Variants in PCSK6 observed in about 807,000 individuals in gnomAD.
PCSK6 encodes proprotein convertase subtilisin/kexin type 6.
Under a neutral mutation model 123.3 loss-of-function variants are expected in PCSK6, and 85 were observed. That is an observed-to-expected ratio of 0.69 (90% CI 0.58 to 0.83). The LOEUF is 0.83. Ranked by LOEUF, PCSK6 falls within the 40% of genes least tolerant of loss-of-function variation. The probability of loss-of-function intolerance (pLI) is 0.00; values close to 1 mark genes in which losing one functional copy is unlikely to be tolerated. For missense variants in PCSK6, 1,191 were observed against 1,282.3 expected (o/e 0.93, Z 1.09); for synonymous variants, 508 against 516.0 (o/e 0.98, Z 0.21).
chr15:101,328,355 A>G (rs1319420707), intron 15 of PCSK6, among the ~76,000 whole-genome samples: 1 of 152,182 alleles, frequency 6.6e-6, no homozygotes, highest in African/African-American at 2.4e-5. Context: ...CACTCTTTCT[A>G]GACACGGAAT....
chr15:101,423,488 C>T (rs772863460), intron 6 of PCSK6, among the ~76,000 whole-genome samples: 9 of 152,174 alleles, frequency 5.9e-5, no homozygotes, highest in East Asian at 1.9e-4. Context: ...TCTTGAACTC[C>T]TGATCTCAGG....
chr15:101,454,594 T>C (rs1178991152), intron 1 of PCSK6, among the ~76,000 whole-genome samples: 1 of 152,040 alleles, frequency 6.6e-6, no homozygotes, highest in Non-Finnish European at 1.5e-5. Context: ...AGACAGAATG[T>C]GGTTGCCAGG....
chr15:101,305,222 T>A lies in PCSK6; in HGVS notation c.*36A>T, dbSNP rs761646944. Reference sequence around the variant, plus strand: ...GGAGGAAGGTGGACGGATGGATGGATGGGAGTGCCTGCCCTCTGTGGGCAG... The same window carrying A: ...GGAGGAAGGTGGACGGATGGATGGAAGGGAGTGCCTGCCCTCTGTGGGCAG... On this transcript the variant is annotated 3_prime_UTR_variant, in exon 22 of 22. Coordinates refer to ENST00000611716, the MANE Select transcript of PCSK6 (RefSeq NM_002570.5). This position sits in a 1 kb window ranked among gnomAD's most constrained non-coding sequence, Gnocchi z 4.8. 1 of 1,523,360 alleles carries A rather than the reference T, an allele frequency of 6.6e-7. No individual in the cohort carries two copies. The highest frequency in any genetic ancestry group is 9.0e-7 in the Non-Finnish European group (1 of 1,109,426). The allele number at this position is 1,523,360 out of a possible 1,614,324, so 94.4% of individuals were successfully genotyped here.
rs1170074993 is a variant in PCSK6 at position 101,443,408 on chromosome 15, T to A, written c.402+148A>T. 23 of 596,118 alleles carry A rather than the reference T, an allele frequency of 3.9e-5. No homozygotes were observed. The Admixed American group carries it at 7.3e-4, about 19-fold the overall frequency. The allele number at this position is 596,118 out of a possible 1,614,324, so 36.9% of individuals were successfully genotyped here. A position where few individuals can be genotyped will look rare whatever the true frequency, so the allele number is the denominator to read the frequency against. ...ACATGATTTAGTTCAGATGGTCTGA[T>A]TCGTAGCTACACCTGTCTTGCTGTA... On this transcript the variant is annotated intron_variant, in intron 2 of 21. Coordinates refer to ENST00000611716, the MANE Select transcript of PCSK6 (RefSeq NM_002570.5).
At chr15:101,452,626 G>C (rs951333093) in intron 1 of PCSK6, among the ~76,000 whole-genome samples, 2 of 152,178 alleles carry the variant, frequency 1.3e-5, no homozygotes, top group Non-Finnish European at 2.9e-5. Context: ...GCGCTCACAT[G>C]GGGGAACGTG....
intron 9 of PCSK6, among the ~76,000 whole-genome samples, chr15:101,387,972 C>A (rs2042117118): frequency 6.6e-6 from 1 of 152,238 alleles, no homozygotes; most frequent in South Asian, 2.1e-4. Flanking sequence ...CTGTATGTGT[C>A]TGAGGAGGAG....
intron 1 of PCSK6, among the ~76,000 whole-genome samples, chr15:101,458,945 T>C (rs928636581): frequency 6.6e-6 from 1 of 152,190 alleles, no homozygotes; most frequent in Non-Finnish European, 1.5e-5. Context: ...GCAAGCATGC[T>C]GGATGGGCCT....
chr15:101,358,832 A>G (rs955907911), intron 13 of PCSK6, among the ~76,000 whole-genome samples: 1 of 152,196 alleles, frequency 6.6e-6, no homozygotes, highest in Non-Finnish European at 1.5e-5. Context: ...GGGAGGATCC[A>G]GCCGCCATGC....
chr15:101,489,159 T>TCCC (rs1336085960), intron 1 of PCSK6, among the ~76,000 whole-genome samples: 1 of 32,616 alleles, frequency 3.1e-5, no homozygotes, highest in African/African-American at 1.4e-4. Context: ...GGGACCCCAG[T>TCCC]CCCCCCCACC....
intron 1 of PCSK6, among the ~76,000 whole-genome samples, chr15:101,480,399 G>A (rs1288681599): frequency 1.3e-5 from 2 of 152,274 alleles, no homozygotes; most frequent in Non-Finnish European, 2.9e-5. Flanking sequence ...AAGCAGCCAA[G>A]GCAAGACAAT....
At chr15:101,447,945 G>C (rs1450191523) in intron 1 of PCSK6, among the ~76,000 whole-genome samples, 1 of 152,242 alleles carries the variant, frequency 6.6e-6, no homozygotes, top group Non-Finnish European at 1.5e-5. Flanking sequence ...TAGAAGGGAG[G>C]CGCTGCCTCC....
In PCSK6 at chr15:101,352,399, T is replaced by C. The variant is rs146572898; in HGVS notation, c.1858+13797A>G. On this transcript the variant is annotated intron_variant, in intron 13 of 21. Coordinates refer to ENST00000611716, the MANE Select transcript of PCSK6 (RefSeq NM_002570.5). Reference sequence around the variant, plus strand: ...TCCTGACCTCGTGATCCACCTGCCTTGGCCTCCCAAAGTGCTGAGATTACA... The same window carrying C: ...TCCTGACCTCGTGATCCACCTGCCTCGGCCTCCCAAAGTGCTGAGATTACA... Among the ~76,000 whole-genome samples the C allele has an allele frequency of 1.3e-3, 196 of 152,274 alleles. 3 individuals carry two copies. The East Asian group carries it at 0.032, about 25-fold the overall frequency.
intron 6 of PCSK6, among the ~76,000 whole-genome samples, chr15:101,410,288 G>A (rs1287378905): frequency 6.6e-6 from 1 of 152,172 alleles, no homozygotes; most frequent in Non-Finnish European, 1.5e-5. Context: ...AGCTCAGCCT[G>A]CACTCACCTT....
At chr15:101,478,494 A>T (rs1203335574) in intron 1 of PCSK6, among the ~76,000 whole-genome samples, 1 of 152,178 alleles carries the variant, frequency 6.6e-6, no homozygotes, top group Non-Finnish European at 1.5e-5. Flanking sequence ...TCCTGTCCTC[A>T]GTCCTCCTTC....
intron 1 of PCSK6, among the ~76,000 whole-genome samples, chr15:101,449,372 A>G (rs2141169942): frequency 6.6e-6 from 1 of 151,344 alleles, no homozygotes; most frequent in South Asian, 2.1e-4. Flanking sequence ...TAGATGTGGA[A>G]CCCGTGGATA....
chr15:101,415,650 C>T (rs143621078), intron 6 of PCSK6, among the ~76,000 whole-genome samples: 73 of 152,252 alleles, frequency 4.8e-4, no homozygotes, highest in African/African-American at 1.6e-3. Context: ...GTGTCCCCAC[C>T]CAAATCTCAA....
Position 101,429,386 on chromosome 15 carries a change from G to A in PCSK6, c.734+601C>T, listed in dbSNP as rs549209654. On this transcript the variant is annotated intron_variant, in intron 5 of 21. Coordinates refer to ENST00000611716, the MANE Select transcript of PCSK6 (RefSeq NM_002570.5). ...ACCATTTCGGAAGAATCTGCTGGGT[G>A]CATTCCTCATGCATCATCTCACTGA... Among the ~76,000 whole-genome samples, 9 of 152,290 alleles carry A rather than the reference G, an allele frequency of 5.9e-5. No individual in the cohort carries two copies. The East Asian group carries it at 1.4e-3, about 23-fold the overall frequency.
intron 13 of PCSK6, chr15:101,365,108 G>A (rs1368478397): frequency 1.0e-5 from 7 of 687,752 alleles, no homozygotes; most frequent in Non-Finnish European, 2.0e-5. Context: ...AAAAGAATGA[G>A]TTTGGACCCC....
At chr15:101,437,064 A>G (rs144791761) in intron 2 of PCSK6, among the ~76,000 whole-genome samples, 72 of 152,298 alleles carry the variant, frequency 4.7e-4, no homozygotes, top group Non-Finnish European at 6.9e-4. Context: ...CATGAGCATG[A>G]TGTCTTTTTT....
Sources: allele counts gnomAD v4.1 joint callset (sites outside exome capture counted in the v4.1 genomes callset), GRCh38; gene constraint gnomAD v4.1.1; non-coding constraint Gnocchi (gnomAD v3.1); transcripts MANE v1.5; gene names NCBI Gene and HGNC (gene_info 2026-07-23, HGNC 2026-07-21).